Variants in FNBP1 observed in about 807,000 individuals in gnomAD.
The protein encoded by FNBP1 is formin-binding protein 1.
Under a neutral mutation model 90.6 loss-of-function variants are expected in FNBP1, and 26 were observed. That is an observed-to-expected ratio of 0.29 (90% CI 0.21 to 0.40). FNBP1 has a LOEUF of 0.40. FNBP1 is among the 10% of genes least tolerant of loss of function. The probability of loss-of-function intolerance (pLI) is 1.00; values close to 1 mark genes in which losing one functional copy is unlikely to be tolerated. For synonymous variants in FNBP1, 260 were observed against 265.2 expected (o/e 0.98, Z 0.19); for missense variants, 635 against 768.0 (o/e 0.83, Z 2.05).
At chr9:129,949,288 T>C (rs1347849367) in intron 6 of FNBP1, among the ~76,000 whole-genome samples, 1 of 152,114 alleles carries the variant, frequency 6.6e-6, no homozygotes, top group East Asian at 1.9e-4. Context: ...CCAATAAAAA[T>C]TGTTCAATTA....
At position 130,017,246 on chromosome 9, in the gene FNBP1, A is replaced by G. The variant is rs559566911; in HGVS notation, c.25-22288T>C. ...GCTGCCTTCCCTAAGCTGTTGCCAA[A>G]GAATGTGAGATATCTAAGTGTTTAT... On this transcript the variant is annotated intron_variant, in intron 1 of 16. Transcript: ENST00000446176. Among the ~76,000 whole-genome samples, 6 of 152,350 alleles carry G rather than the reference A, an allele frequency of 3.9e-5. No individual in the cohort carries two copies. The South Asian group carries it at 6.2e-4, about 16-fold the overall frequency.
intron 4 of FNBP1, among the ~76,000 whole-genome samples, chr9:129,968,320 G>T (rs1283749081): frequency 6.6e-6 from 1 of 151,180 alleles, no homozygotes; most frequent in African/African-American, 2.4e-5. Flanking sequence ...GCTTGACCCT[G>T]GGAGGCAGAG....
chr9:129,917,258 C>G (rs916585629), intron 10 of FNBP1, among the ~76,000 whole-genome samples: 1 of 151,820 alleles, frequency 6.6e-6, no homozygotes, highest in Non-Finnish European at 1.5e-5. Context: ...GTGATCCGCC[C>G]GCCTCCCAAA....
At chr9:129,937,875 A>T (rs185067666) in intron 6 of FNBP1, among the ~76,000 whole-genome samples, 1 of 152,264 alleles carries the variant, frequency 6.6e-6, no homozygotes, top group East Asian at 1.9e-4. Flanking sequence ...ACCAAATTTT[A>T]AAAAAGGCTG....
At chr9:129,998,998 C>T (rs1289497140) in intron 1 of FNBP1, among the ~76,000 whole-genome samples, 2 of 152,136 alleles carry the variant, frequency 1.3e-5, no homozygotes, top group South Asian at 2.1e-4. Context: ...CTCTGTGAAA[C>T]CTGAGGATGC....
chr9:129,892,366 GACACACACAC>G (rs3138855), intron 16 of FNBP1, among the ~76,000 whole-genome samples: 10,467 of 103,410 alleles, frequency 0.1, 527 homozygotes, highest in Middle Eastern at 0.15. Context: ...GCACATCGTA[GACACACACAC>G]ACACACACAC....
chr9:129,910,040 G>A (rs7855720), intron 11 of FNBP1: 405,356 of 405,628 alleles, frequency 1, 202,543 homozygotes, highest in Middle Eastern at 1. Context: ...TCCCTTTTCA[G>A]AAGCAGCTGC....
At chr9:130,007,997 CAAA>C (rs36074642) in intron 1 of FNBP1, among the ~76,000 whole-genome samples, 1 of 95,242 alleles carries the variant, frequency 1.0e-5, no homozygotes, top group African/African-American at 4.5e-5. Flanking sequence ...GACTCTGTCT[CAAA>C]AAAAAAAAAA....
intron 1 of FNBP1, among the ~76,000 whole-genome samples, chr9:130,026,856 C>T (rs2058387703): frequency 6.6e-6 from 1 of 151,220 alleles, no homozygotes; most frequent in South Asian, 2.1e-4. Flanking sequence ...GTCCTAGCTA[C>T]TTGTGAGGCT....
At chr9:129,911,889 G>A (rs1255381935) in intron 11 of FNBP1, among the ~76,000 whole-genome samples, 1 of 143,664 alleles carries the variant, frequency 7.0e-6, no homozygotes, top group African/African-American at 2.6e-5. Context: ...CCAAGATCAC[G>A]CCATTACACT....
intron 12 of FNBP1, among the ~76,000 whole-genome samples, chr9:129,908,442 C>G (rs1259391980): frequency 6.7e-6 from 1 of 148,590 alleles, no homozygotes; most frequent in Non-Finnish European, 1.5e-5. Context: ...CGGACTCAAG[C>G]GATCTTCCTG....
Position 130,042,859 on chromosome 9 carries a change from C to A in FNBP1, c.24+93G>T. 1 of 924,258 alleles carries A rather than the reference C, an allele frequency of 1.1e-6. No individual in the cohort carries two copies. Among genetic ancestry groups the A allele is most frequent in the South Asian group, 5.1e-5 (1 of 19,708 alleles). 57.3% of individuals were successfully genotyped at this position (924,258 alleles called of 1,614,324 possible). A position where few individuals can be genotyped will look rare whatever the true frequency, so the allele number is the denominator to read the frequency against. ...GACCCCGACCAGCGCGCCCTCGCCT[C>A]CGCCCAGCAGCGCGGCCCGCGCCCC... On this transcript the variant is annotated intron_variant, in intron 1 of 16. Transcript: ENST00000446176. The surrounding 1 kb of genome is among the most constrained non-coding windows in gnomAD (Gnocchi z 5.5).
chr9:129,924,898 C>T, intron 9 of FNBP1, 62 bp downstream of exon 9: 1 of 1,409,350 alleles, frequency 7.1e-7, no homozygotes, highest in Non-Finnish European at 9.7e-7. Context: ...TTTTCTAAGA[C>T]TAAAAGATCA....
At chr9:129,993,201 T>C (rs1400979979) in intron 2 of FNBP1, among the ~76,000 whole-genome samples, 1 of 137,806 alleles carries the variant, frequency 7.3e-6, no homozygotes, top group Non-Finnish European at 1.5e-5. Context: ...CACTCCAGCC[T>C]GGGCGACAGA....
intron 1 of FNBP1, among the ~76,000 whole-genome samples, chr9:129,997,535 C>T (rs892131938): frequency 6.6e-6 from 1 of 152,146 alleles, no homozygotes; most frequent in South Asian, 2.1e-4. Context: ...CTGAAGATCA[C>T]CTTAAACTAC....
At chr9:130,015,714 G>C (rs2057162073) in intron 1 of FNBP1, among the ~76,000 whole-genome samples, 1 of 152,162 alleles carries the variant, frequency 6.6e-6, no homozygotes, top group African/African-American at 2.4e-5. Context: ...TCACTCTGTT[G>C]CCTGGACTGG....
intron 15 of FNBP1, among the ~76,000 whole-genome samples, 172 bp downstream of exon 15, chr9:129,899,785 GGAAGGGAA>G (rs202124645): frequency 0.022 from 3,128 of 144,110 alleles, 36 homozygotes; most frequent in Middle Eastern, 0.024. Context: ...GGGAGGGAAG[GGAAGGGAA>G]GGAAGGAAGG....
rs779529386 is a variant in FNBP1 at position 129,924,984 on chromosome 9, T to C, written c.963A>G (p.Leu321=). 2 of 1,613,660 alleles carry C rather than the reference T, an allele frequency of 1.2e-6. No individual in the cohort carries two copies. Among genetic ancestry groups the C allele is most frequent in the Non-Finnish European group, 1.7e-6 (2 of 1,179,724 alleles). The change falls in exon 9 of 17, where the codon TTA becomes TTG. Residue 321 remains leucine (L), a synonymous_variant. Transcript: ENST00000446176. ...CCTTATTTTTTTTGATGAACGGCCA[T>C]AACTTTCCTTTGGATTTGCCACCAA... is the stretch of plus-strand genomic sequence containing the variant. ...LKFGGKSKGK[L]WPFIKKNKLM...
intron 6 of FNBP1, among the ~76,000 whole-genome samples, chr9:129,930,906 A>G (rs2042635756): frequency 6.6e-6 from 1 of 152,236 alleles, no homozygotes; most frequent in African/African-American, 2.4e-5. Context: ...TCACTGCAGT[A>G]AGCCAGAAAC....
Sources: allele counts gnomAD v4.1 joint callset (sites outside exome capture counted in the v4.1 genomes callset), GRCh38; gene constraint gnomAD v4.1.1; non-coding constraint Gnocchi (gnomAD v3.1); transcripts MANE v1.5; gene names NCBI Gene and HGNC (gene_info 2026-07-23, HGNC 2026-07-21).